The following LRGUK variants were observed in gnomAD, a reference collection of about 807,000 sequenced individuals.
LRGUK encodes leucine rich repeats and guanylate kinase domain containing.
LRGUK carries 65 observed loss-of-function variants against 76.0 expected under a neutral mutation model. The observed-to-expected ratio is 0.85, with a 90% CI of 0.70 to 1.05. The LOEUF (loss-of-function observed/expected upper bound fraction) is 1.05, where lower values mean the gene tolerates loss of function less well. LRGUK is among the 50% of genes least tolerant of loss of function. The pLI is 0.00. For synonymous variants in LRGUK, 268 were observed against 265.6 expected, an observed-to-expected ratio of 1.01 and a Z score of -0.09; for missense variants, 758 against 732.8, an observed-to-expected ratio of 1.03 and a Z score of -0.40.
rs185785815 is a variant in LRGUK, at chr7:134,134,429, A to G, written c.298-2594A>G. Among the ~76,000 whole-genome samples the G allele has an allele frequency of 2.3e-3, 350 of 152,324 alleles. 1 individual carries two copies. In the South Asian group the frequency reaches 0.024, roughly 10 times the overall value. On this transcript the variant is annotated intron_variant, in intron 1 of 15. Transcript: ENST00000645682. ...CATAGGGATTCTGAGGCCACTCAGG[A>G]TAACAACAGGAGCTTGAAAATGACC...
chr7:134,261,274 C>T (rs998352156), intron 19 of LRGUK, among the ~76,000 whole-genome samples: 1 of 147,884 alleles, frequency 6.8e-6, no homozygotes, highest in Non-Finnish European at 1.5e-5. Context: ...CTCCATCATC[C>T]CATATATGTG....
intron 12 of LRGUK, among the ~76,000 whole-genome samples, chr7:134,194,234 T>C (rs549571650): frequency 1.1e-3 from 166 of 152,326 alleles, no homozygotes; most frequent in Middle Eastern, 3.4e-3. Context: ...TTTATACCTA[T>C]GTACTATGCA....
intron 16 of LRGUK, among the ~76,000 whole-genome samples, chr7:134,247,189 C>T (rs1802325455): frequency 1.3e-5 from 2 of 152,164 alleles, no homozygotes; most frequent in Non-Finnish European, 2.9e-5. Context: ...CAGTTAGCTA[C>T]TATATGTGCT....
intron 11 of LRGUK, among the ~76,000 whole-genome samples, chr7:134,189,250 G>C (rs901526431): frequency 6.6e-6 from 1 of 152,194 alleles, no homozygotes; most frequent in Non-Finnish European, 1.5e-5. Context: ...TATGTGGAAA[G>C]ATTTAGACAA....
At chr7:134,249,446 G>T (rs1341314158) in intron 18 of LRGUK, among the ~76,000 whole-genome samples, 2 of 152,122 alleles carry the variant, frequency 1.3e-5, no homozygotes, top group Admixed American at 1.3e-4. Flanking sequence ...CTGTGATTCG[G>T]CTGTGTTCTT....
In LRGUK at chr7:134,155,216, C is replaced by G. The variant is rs145763464; in HGVS notation, c.671-2819C>G. ...CAAGGGTATTTTATTTCATCCATAC[C>G]TGAGTGAGATAGTTTAATCTCCTAT... On this transcript the variant is annotated intron_variant, in intron 5 of 15. Transcript: ENST00000645682. Among the ~76,000 whole-genome samples, 57 of 152,268 alleles carry G rather than the reference C, an allele frequency of 3.7e-4. 1 individual carries two copies. The East Asian group carries it at 0.01, about 27-fold the overall frequency.
chr7:134,172,229 A>C (rs1479231019), intron 7 of LRGUK, among the ~76,000 whole-genome samples: 1 of 152,210 alleles, frequency 6.6e-6, no homozygotes, highest in African/African-American at 2.4e-5. Flanking sequence ...ATTTAATTAC[A>C]GGATCATGGT....
At chr7:134,163,261 G>C in intron 6 of LRGUK, 136 bp from the exon 7 acceptor site, 1 of 676,532 alleles carries the variant, frequency 1.5e-6, no homozygotes, top group South Asian at 2.6e-5. Flanking sequence ...GATGGAAATG[G>C]GATGGAGGGA....
At chr7:134,269,257 C>T (rs1014737191), downstream of LRGUK, among the ~76,000 whole-genome samples, 1 of 151,844 alleles carries the variant, frequency 6.6e-6, no homozygotes, top group Admixed American at 6.6e-5. Flanking sequence ...TTTCCAGATA[C>T]TTACAGATTT....
At chr7:134,144,571 A>C (rs1797894071) in intron 4 of LRGUK, among the ~76,000 whole-genome samples, 1 of 152,264 alleles carries the variant, frequency 6.6e-6, no homozygotes, top group Non-Finnish European at 1.5e-5. Context: ...AGGAATGGAC[A>C]TCAACTATTG....
chr7:134,209,482 T>C, exon 16 of LRGUK: 1 of 398,856 alleles, frequency 2.5e-6, no homozygotes, highest in Non-Finnish European at 4.4e-6. Flanking sequence ...TAGCAACAGA[T>C]ACCAAGCAGC....
chr7:134,150,154 A>C (rs1798148526), intron 5 of LRGUK, among the ~76,000 whole-genome samples: 1 of 152,132 alleles, frequency 6.6e-6, no homozygotes, highest in South Asian at 2.1e-4. Context: ...GGGCACCTGT[A>C]GTCCCAGCTA....
intron 1 of LRGUK, among the ~76,000 whole-genome samples, chr7:134,135,300 C>G (rs1279642739): frequency 6.6e-6 from 1 of 152,158 alleles, no homozygotes; most frequent in Admixed American, 6.5e-5. Flanking sequence ...ACATTGACTT[C>G]TGGTCTCCTC....
intron 1 of LRGUK, among the ~76,000 whole-genome samples, chr7:134,130,598 GA>G (rs1797260865): frequency 2.0e-5 from 3 of 152,140 alleles, no homozygotes; most frequent in Admixed American, 2.0e-4. Flanking sequence ...GTTTTAAAAA[GA>G]AACATTTGGA....
chr7:134,145,066 G>C (rs1797913660), intron 4 of LRGUK, among the ~76,000 whole-genome samples: 1 of 152,036 alleles, frequency 6.6e-6, no homozygotes, highest in African/African-American at 2.4e-5. Context: ...AACAAAAACA[G>C]ATCATGGACC....
intron 11 of LRGUK, among the ~76,000 whole-genome samples, chr7:134,184,415 G>A (rs368705977): frequency 4.6e-4 from 70 of 151,728 alleles, no homozygotes; most frequent in African/African-American, 1.6e-3. Flanking sequence ...GACTACAGGC[G>A]GCTGCCACCA....
chr7:134,134,159 C>T (rs1797431364), intron 1 of LRGUK, among the ~76,000 whole-genome samples: 1 of 152,094 alleles, frequency 6.6e-6, no homozygotes, highest in Admixed American at 6.5e-5. Flanking sequence ...AGAAAGGTGT[C>T]TATCTGTGAA....
intron 14 of LRGUK, among the ~76,000 whole-genome samples, chr7:134,199,980 TTTTATA>T (rs1220723787): frequency 2.6e-4 from 18 of 69,558 alleles, no homozygotes; most frequent in Non-Finnish European, 4.4e-4. Flanking sequence ...TTCTAGAAAC[TTTTATA>T]TATATATATA....
Position 134,152,617 on chromosome 7 carries a change from A to T in LRGUK, c.670+4298A>T, listed in dbSNP as rs540661878. ...GTTGGAGAACTTGTAGATCCAGAAG[A>T]TCTTTTTACCTTGTTTGTGGGTATG... On this transcript the variant is annotated intron_variant, in intron 5 of 15. Transcript: ENST00000645682. Among the ~76,000 whole-genome samples, 14 of 152,190 alleles carry T rather than the reference A, an allele frequency of 9.2e-5. No individual in the cohort carries two copies. In the South Asian group the frequency reaches 2.5e-3, roughly 27 times the overall value.
Sources: gnomAD v4.1 joint callset for allele counts (sites outside exome capture counted in the v4.1 genomes callset) on GRCh38, gnomAD v4.1.1 for gene constraint, MANE v1.5 for transcripts, NCBI Gene and HGNC (gene_info 2026-07-23, HGNC 2026-07-21) for gene names.